NEMP2: variants seen among roughly 807,000 people sequenced by gnomAD.
NEMP2 encodes UPF0571 transmembrane protein.
In NEMP2, 53 loss-of-function variants were observed where a neutral mutation model predicts 54.2. That is an observed-to-expected ratio of 0.98 (90% CI 0.78 to 1.23). The LOEUF is 1.23. NEMP2 is among the 50% of genes most tolerant of loss of function. The pLI, the probability that NEMP2 is intolerant of heterozygous loss-of-function variation, is 0.00. For synonymous variants in NEMP2, 197 were observed against 190.3 expected (o/e 1.04, Z -0.29); for missense variants, 455 against 511.3 (o/e 0.89, Z 1.06).
the NEMP2 span, among the ~76,000 whole-genome samples, chr2:190,475,351 G>A: frequency 1.3e-5 from 2 of 152,202 alleles, no homozygotes; most frequent in African/African-American, 4.8e-5. Context: ...TAAGCTGATA[G>A]GCAACTTCAG....
chr2:190,607,474 A>T, the NEMP2 span, among the ~76,000 whole-genome samples: 1 of 151,856 alleles, frequency 6.6e-6, no homozygotes, highest in Non-Finnish European at 1.5e-5. The surrounding 1 kb of genome is among the most constrained non-coding windows in gnomAD (Gnocchi z 5.2). Context: ...ATTTTTTTTT[A>T]AATCCAAAGT....
chr2:190,469,913 A>G, the NEMP2 span: 12 of 1,244,182 alleles, frequency 9.6e-6, no homozygotes, highest in Non-Finnish European at 1.4e-5. This position sits in a 1 kb window ranked among gnomAD's most constrained non-coding sequence, Gnocchi z 5.3. Context: ...TGTGGCTAAA[A>G]GCCCAGTGGC....
the NEMP2 span, among the ~76,000 whole-genome samples, chr2:190,468,962 C>T: frequency 6.6e-6 from 1 of 152,150 alleles, no homozygotes; most frequent in African/African-American, 2.4e-5. Flanking sequence ...AGTAGCCACT[C>T]TTTGCTTCCA....
chr2:190,486,226 T>A, the NEMP2 span, among the ~76,000 whole-genome samples: 1 of 152,276 alleles, frequency 6.6e-6, no homozygotes, highest in Non-Finnish European at 1.5e-5. Flanking sequence ...TGTTCCAGTT[T>A]GGCTGGTGGG....
chr2:190,543,434 G>C, the NEMP2 span, among the ~76,000 whole-genome samples: 1 of 152,212 alleles, frequency 6.6e-6, no homozygotes, highest in Non-Finnish European at 1.5e-5. The surrounding 1 kb of genome is among the most constrained non-coding windows in gnomAD (Gnocchi z 4.7). Flanking sequence ...TGAGATTGAG[G>C]TGGACAATCA....
chr2:190,645,625 G>A, the NEMP2 span, among the ~76,000 whole-genome samples: 21 of 152,210 alleles, frequency 1.4e-4, no homozygotes, highest in African/African-American at 4.1e-4. Flanking sequence ...ACTAGTATGC[G>A]TCAGCCAATG....
the NEMP2 span, among the ~76,000 whole-genome samples, chr2:190,543,969 A>G: frequency 2.8e-4 from 43 of 152,358 alleles, 1 homozygote; most frequent in East Asian, 7.9e-3. The surrounding 1 kb of genome is among the most constrained non-coding windows in gnomAD (Gnocchi z 4.7). Flanking sequence ...AGGAGCTTTC[A>G]CTTAGCTTTT....
the NEMP2 span, among the ~76,000 whole-genome samples, chr2:190,607,426 T>C: frequency 2.6e-5 from 4 of 152,174 alleles, no homozygotes; most frequent in East Asian, 1.9e-4. This position sits in a 1 kb window ranked among gnomAD's most constrained non-coding sequence, Gnocchi z 5.2. Context: ...GACCCTAGAC[T>C]ATTACACAGG....
the NEMP2 span, among the ~76,000 whole-genome samples, chr2:190,599,455 A>G: frequency 6.6e-6 from 1 of 152,192 alleles, no homozygotes; most frequent in Admixed American, 6.5e-5. Flanking sequence ...GACAAAATAT[A>G]TACTTTCTGG....
intron 5 of NEMP2, 33 bp from the exon 6 acceptor site, chr2:190,516,417 T>A: frequency 6.7e-7 from 1 of 1,492,214 alleles, no homozygotes; most frequent in Non-Finnish European, 9.0e-7. Context: ...GACACATTTT[T>A]TGGTTCATTC....
At chr2:190,562,379 C>T in the NEMP2 span, among the ~76,000 whole-genome samples, 3 of 152,192 alleles carry the variant, frequency 2.0e-5, no homozygotes, top group African/African-American at 7.2e-5. The surrounding 1 kb of genome is among the most constrained non-coding windows in gnomAD (Gnocchi z 5.0). Flanking sequence ...ACCAGCTGTG[C>T]CAGCCCATAG....
the NEMP2 span, among the ~76,000 whole-genome samples, chr2:190,429,073 A>C: frequency 6.6e-6 from 1 of 151,946 alleles, no homozygotes; most frequent in African/African-American, 2.4e-5. Flanking sequence ...ATCTTTTTAC[A>C]TATTTATTGG....
chr2:190,464,137 T>C, the NEMP2 span, among the ~76,000 whole-genome samples: 2 of 152,204 alleles, frequency 1.3e-5, no homozygotes, highest in Non-Finnish European at 2.9e-5. Flanking sequence ...CTTGTATGCA[T>C]TGGTGTGCGT....
the NEMP2 span, among the ~76,000 whole-genome samples, chr2:190,432,218 G>A: frequency 6.6e-6 from 1 of 152,276 alleles, no homozygotes; most frequent in Admixed American, 6.5e-5. Flanking sequence ...AGATTTTCTA[G>A]AGAAGAGGCT....
the NEMP2 span, among the ~76,000 whole-genome samples, chr2:190,611,941 T>C: frequency 6.6e-6 from 1 of 152,152 alleles, no homozygotes; most frequent in Non-Finnish European, 1.5e-5. This position sits in a 1 kb window ranked among gnomAD's most constrained non-coding sequence, Gnocchi z 5.4. Context: ...TCAAACTCCA[T>C]GTGTCCCAGG....
In NEMP2 at chr2:190,519,530, T is replaced by C. The variant is rs1690682559; in HGVS notation, c.214-347A>G. Among the ~76,000 whole-genome samples the C allele has an allele frequency of 6.6e-6, 1 of 152,156 alleles. No individual in the cohort carries two copies. The highest frequency in any genetic ancestry group is 1.9e-4 in the East Asian group (1 of 5,196). On this transcript the variant is annotated intron_variant, in intron 2 of 8. Coordinates refer to ENST00000409150, the MANE Select transcript of NEMP2 (RefSeq NM_001142645.2). The surrounding 1 kb of genome is among the most constrained non-coding windows in gnomAD (Gnocchi z 5.4). ...GCCACTGCATCCAGCCAAAACTTCT[T>C]AAAAGCTTCTTAAAAACATGAGCAG... is the stretch of plus-strand genomic sequence containing the variant.
the NEMP2 span, among the ~76,000 whole-genome samples, chr2:190,622,720 A>C: frequency 1.3e-5 from 2 of 152,186 alleles, no homozygotes; most frequent in Non-Finnish European, 2.9e-5. Context: ...CCCTTATCTA[A>C]TAAGGAATTT....
At chr2:190,556,414 G>A in the NEMP2 span, among the ~76,000 whole-genome samples, 6 of 152,132 alleles carry the variant, frequency 3.9e-5, no homozygotes, top group Admixed American at 2.6e-4. Context: ...TTTGAAAACC[G>A]GCACAAGACA....
the NEMP2 span, among the ~76,000 whole-genome samples, chr2:190,431,453 G>A: frequency 4.1e-4 from 63 of 152,358 alleles, no homozygotes; most frequent in East Asian, 0.01. The surrounding 1 kb of genome is among the most constrained non-coding windows in gnomAD (Gnocchi z 4.4). Flanking sequence ...CTGCAATCCC[G>A]GCACCTCTGG....
Sources: gnomAD v4.1 joint callset for allele counts (sites outside exome capture counted in the v4.1 genomes callset) on GRCh38, gnomAD v4.1.1 for gene constraint, Gnocchi (gnomAD v3.1) non-coding constraint, MANE v1.5 for transcripts, NCBI Gene and HGNC (gene_info 2026-07-23, HGNC 2026-07-21) for gene names.